Variants in HDAC9 observed in about 807,000 individuals in gnomAD.
The protein encoded by HDAC9 is histone deacetylase 9, also known as MEF-2 interacting transcription repressor (MITR) protein.
A neutral mutation model predicts 139.4 loss-of-function variants in HDAC9; 41 were observed. The observed-to-expected ratio is 0.29, with a 90% confidence interval of 0.23 to 0.38. The LOEUF (loss-of-function observed/expected upper bound fraction) is 0.38, where lower values mean the gene tolerates loss of function less well. HDAC9 is among the 10% of genes least tolerant of loss of function. The pLI, the probability that HDAC9 is intolerant of heterozygous loss-of-function variation, is 1.00. For synonymous variants in HDAC9, 517 were observed against 476.2 expected, an observed-to-expected ratio of 1.09 and a Z score of -1.12; for missense variants, 1,147 against 1,297.0, an observed-to-expected ratio of 0.88 and a Z score of 1.78.
intron 1 of HDAC9, among the ~76,000 whole-genome samples, chr7:18,120,952 G>A (rs151262864): frequency 1.3e-5 from 2 of 152,248 alleles, no homozygotes; most frequent in African/African-American, 4.8e-5. Context: ...GGTAGATGTT[G>A]GGTTTTGGAC....
intron 8 of HDAC9, among the ~76,000 whole-genome samples, 178 bp from the exon 9 acceptor site, chr7:18,644,493 T>C (rs1006969856): frequency 1.3e-5 from 2 of 152,152 alleles, no homozygotes; most frequent in Non-Finnish European, 2.9e-5. Context: ...TATAACTATG[T>C]CTTTGGAAGA....
chr7:18,764,756 A>G (rs1789679835), intron 15 of HDAC9, among the ~76,000 whole-genome samples: 1 of 152,072 alleles, frequency 6.6e-6, no homozygotes, highest in African/African-American at 2.4e-5. Flanking sequence ...ATATCTTACT[A>G]CATCCCCCAG....
chr7:18,822,418 G>A (rs1320270888), intron 17 of HDAC9, among the ~76,000 whole-genome samples: 1 of 152,144 alleles, frequency 6.6e-6, no homozygotes, highest in Non-Finnish European at 1.5e-5. Context: ...GCAATGGGGC[G>A]ATCACAGCTC....
At chr7:18,518,192 A>G (rs923882456) in intron 2 of HDAC9, 1 of 152,096 alleles carries the variant, frequency 6.6e-6, no homozygotes, top group Non-Finnish European at 1.5e-5. Flanking sequence ...ATTTACCGGT[A>G]TTTATCTTCT....
At chr7:18,710,012 G>A (rs987707997) in intron 12 of HDAC9, among the ~76,000 whole-genome samples, 1 of 152,190 alleles carries the variant, frequency 6.6e-6, no homozygotes, top group Non-Finnish European at 1.5e-5. Flanking sequence ...CAGGTTTAAT[G>A]GACTTAAAGT....
At chr7:18,799,192 G>T (rs1793083661) in intron 17 of HDAC9, among the ~76,000 whole-genome samples, 1 of 151,890 alleles carries the variant, frequency 6.6e-6, no homozygotes, top group Non-Finnish European at 1.5e-5. Context: ...ACAATGCAAA[G>T]ACTTCAGTAG....
chr7:18,108,598 T>C (rs1783388833), intron 1 of HDAC9, among the ~76,000 whole-genome samples: 1 of 150,912 alleles, frequency 6.6e-6, no homozygotes, highest in Non-Finnish European at 1.5e-5. Context: ...TGAGAGCATT[T>C]TACACTCATC....
At chr7:18,743,912 T>C (rs1340165160) in intron 13 of HDAC9, among the ~76,000 whole-genome samples, 2 of 151,880 alleles carry the variant, frequency 1.3e-5, no homozygotes, top group Non-Finnish European at 2.9e-5. Flanking sequence ...TAAAAAAATT[T>C]TTGTGTTTTT....
chr7:18,178,049 C>G (rs1308102008), intron 2 of HDAC9, among the ~76,000 whole-genome samples: 1 of 151,334 alleles, frequency 6.6e-6, no homozygotes, highest in Non-Finnish European at 1.5e-5. Context: ...ATCCCCCTAC[C>G]TCCCCTTCCC....
rs865914974 is a variant in HDAC9, at chr7:18,479,386, C to T, written c.-41-16876C>T. Reference sequence around the variant, plus strand: ...TTAGCACCAGTTATTGAAAATCTTCCCTTCTCTGTAGTGCTAGTATTGATA... The same window carrying T: ...TTAGCACCAGTTATTGAAAATCTTCTCTTCTCTGTAGTGCTAGTATTGATA... On this transcript the variant is annotated intron_variant, in intron 1 of 3. Coordinates refer to the HDAC9 transcript ENST00000413509. Among the ~76,000 whole-genome samples, 9 of 152,172 alleles carry T rather than the reference C, an allele frequency of 5.9e-5. No homozygotes were observed. In the South Asian group the frequency reaches 1.2e-3, roughly 21 times the overall value.
At chr7:18,137,100 C>T (rs1785479473) in intron 1 of HDAC9, among the ~76,000 whole-genome samples, 1 of 146,550 alleles carries the variant, frequency 6.8e-6, no homozygotes, top group African/African-American at 2.6e-5. Context: ...ATTTGGCTCT[C>T]TGTTTGTCTG....
intron 1 of HDAC9, among the ~76,000 whole-genome samples, chr7:18,131,412 A>G (rs1784995385): frequency 1.3e-5 from 2 of 152,208 alleles, no homozygotes; most frequent in Non-Finnish European, 2.9e-5. Flanking sequence ...GAACGAGTTT[A>G]GTAGCACTAA....
chr7:18,219,547 A>T (rs2128174318), intron 2 of HDAC9, among the ~76,000 whole-genome samples: 1 of 152,252 alleles, frequency 6.6e-6, no homozygotes, highest in South Asian at 2.1e-4. Flanking sequence ...GTGCTGAGGA[A>T]CATTTGTCAA....
chr7:18,091,662 G>T (rs368621636), intron 1 of HDAC9, among the ~76,000 whole-genome samples: 1 of 152,314 alleles, frequency 6.6e-6, no homozygotes, highest in East Asian at 1.9e-4. Context: ...TCATTGCTCA[G>T]AAGTCCACAC....
intron 24 of HDAC9, among the ~76,000 whole-genome samples, chr7:18,965,124 T>C (rs1783764365): frequency 6.6e-6 from 1 of 152,220 alleles, no homozygotes; most frequent in Non-Finnish European, 1.5e-5. Context: ...GACTGACTCT[T>C]TCCCAGAAGA....
intron 1 of HDAC9, among the ~76,000 whole-genome samples, chr7:18,385,639 G>A (rs540480871): frequency 4.5e-4 from 69 of 152,120 alleles, no homozygotes; most frequent in Non-Finnish European, 9.1e-4. Flanking sequence ...TCATACTTAC[G>A]ATATTGTTCT....
chr7:18,128,626 C>G (rs1048301439), intron 1 of HDAC9, among the ~76,000 whole-genome samples: 3 of 152,058 alleles, frequency 2.0e-5, no homozygotes, highest in Admixed American at 2.0e-4. Context: ...TCTGGAAAGG[C>G]TGTTCCCCAA....
chr7:18,887,937 T>A (rs1800312931), intron 22 of HDAC9, among the ~76,000 whole-genome samples: 1 of 151,982 alleles, frequency 6.6e-6, no homozygotes, highest in Non-Finnish European at 1.5e-5. Context: ...TGCCAACAGC[T>A]CTTAGAATTC....
At chr7:18,309,133 C>A (rs1799129037) in intron 1 of HDAC9, among the ~76,000 whole-genome samples, 1 of 152,108 alleles carries the variant, frequency 6.6e-6, no homozygotes, top group Non-Finnish European at 1.5e-5. Flanking sequence ...TAAAGCTGAG[C>A]TTGTTCTATG....
Sources: allele counts gnomAD v4.1 joint callset (sites outside exome capture counted in the v4.1 genomes callset), GRCh38; gene constraint gnomAD v4.1.1; transcripts MANE v1.5; gene names NCBI Gene and HGNC (gene_info 2026-07-23, HGNC 2026-07-21).